The following PGLS variants were observed in gnomAD, a reference collection of about 807,000 sequenced individuals.
PGLS encodes 6-phosphogluconolactonase, also known as epididymis secretory protein Li 304.
In PGLS, 21 loss-of-function variants were observed where a neutral mutation model predicts 23.2. That is an observed-to-expected ratio of 0.91 (90% CI 0.64 to 1.31). The LOEUF is 1.31. Ranked by LOEUF, PGLS falls within the 50% of genes most tolerant of loss-of-function variation. The pLI, the probability that PGLS is intolerant of heterozygous loss-of-function variation, is 0.00. For missense variants in PGLS, 410 were observed against 354.0 expected (o/e 1.16, Z -1.27); for synonymous variants, 179 against 165.4 (o/e 1.08, Z -0.63).
chr19:17,517,395 C>G lies in PGLS; in HGVS notation c.498+6C>G. The G allele has an allele frequency of 6.2e-7, 1 of 1,600,350 alleles. No homozygotes were observed. Among genetic ancestry groups the G allele is most frequent in the South Asian group, 1.1e-5 (1 of 90,728 alleles). On this transcript the variant is annotated splice_donor_region_variant and intron_variant, in intron 3 of 4. Transcript: ENST00000252603. ...CAGACCACCCCCTCCTACAGGTGAG[C>G]ACACCAATGCGGGGTTCCACCCTAG...
At chr19:17,517,458 G>A in intron 3 of PGLS, 69 bp downstream of exon 3, 1 of 1,284,658 alleles carries the variant, frequency 7.8e-7, no homozygotes, top group East Asian at 2.3e-5. Flanking sequence ...ACTTCCAGAG[G>A]GAGAGCCACC....
rs559529400 is a variant in PGLS at position 17,519,690 on chromosome 19, G to A, written c.640-1254G>A. Among the ~76,000 whole-genome samples, 18 of 152,052 alleles carry A rather than the reference G, an allele frequency of 1.2e-4. No individual in the cohort carries two copies. The South Asian group carries it at 1.3e-3, about 11-fold the overall frequency. On this transcript the variant is annotated intron_variant, in intron 4 of 4. Transcript: ENST00000252603. ...GCTGGGATTACAGGCATGAACCACC[G>A]CACCCGGCCCAGAAAAGTTTTATTG...
chr19:17,511,896 T>C lies in PGLS; in HGVS notation c.224T>C (p.Leu75Pro). 1.3e-6 allele frequency: 2 copies of C among 1,543,564 alleles called. No individual in the cohort carries two copies. The highest frequency in any genetic ancestry group is 8.7e-7 in the Non-Finnish European group (1 of 1,145,706). The change falls in exon 1 of 5, where the codon CTG (leucine) becomes CCG (proline). Residue 75 changes from leucine (L) to proline (P), a missense_variant. By Grantham distance (98) the Leu-to-Pro change is moderately conservative. Transcript: ENST00000252603. ...CCAGCTAGCTTAGCGCGCTGGACGC[T>C]GGGCTTCTGCGACGAGCGCCTCGTG... ...AGPASLARWT[L>P]GFCDERLVPF...
At chr19:17,516,116 T>C in intron 1 of PGLS, 57 bp from the exon 2 acceptor site, 1 of 1,321,836 alleles carries the variant, frequency 7.6e-7, no homozygotes, top group Non-Finnish European at 1.1e-6. Context: ...ATAAACTCCC[T>C]GGAGGATCCA....
chr19:17,511,850 G>T lies in PGLS; in HGVS notation c.178G>T (p.Ala60Ser), dbSNP rs201638071. ...CTCGATGCTAGCCCGCGAGCTACCCGCCGCCGTCGCCCCTGCCGGGCCAGC... is the reference window on the plus strand; with the variant it reads ...CTCGATGCTAGCCCGCGAGCTACCCTCCGCCGTCGCCCCTGCCGGGCCAGC... ...LVSMLARELP[A>S]AVAPAGPASL... Residue 60 changes from alanine (A) to serine (S), a missense_variant, in exon 1 of 5, where the codon GCC becomes TCC. By Grantham distance (99) the Ala-to-Ser change is moderately conservative. Transcript: ENST00000252603. The T allele has an allele frequency of 6.5e-7, 1 of 1,530,382 alleles. No individual in the cohort carries two copies. 94.8% of individuals were successfully genotyped at this position (1,530,382 alleles called of 1,614,324 possible). A position where few individuals can be genotyped will look rare whatever the true frequency, so the allele number is the denominator to read the frequency against.
At chr19:17,519,461 G>A (rs879678595) in intron 4 of PGLS, among the ~76,000 whole-genome samples, 133 of 151,796 alleles carry the variant, frequency 8.8e-4, no homozygotes, top group African/African-American at 2.9e-3. Context: ...GTGCAGTGGC[G>A]CCATCTCAGC....
Position 17,517,344 on chromosome 19 carries a change from C to G in PGLS, c.453C>G (p.Pro151=). 1 of 1,614,008 alleles carries G rather than the reference C, an allele frequency of 6.2e-7. No homozygotes were observed. Among genetic ancestry groups the G allele is most frequent in the Non-Finnish European group, 8.5e-7 (1 of 1,179,942 alleles). Residue 151 remains proline, a synonymous_variant, in exon 3 of 5, where the codon CCC becomes CCG. Coordinates refer to ENST00000252603, the MANE Select transcript of PGLS (RefSeq NM_012088.3). ...VFDLLILGVG[P]DGHTCSLFPD... is the part of the protein sequence containing the mutation. ...ACCTGCTGATCCTGGGGGTGGGCCCCGATGGTCACACCTGCTCACTCTTCC... is the reference window on the plus strand; with the variant it reads ...ACCTGCTGATCCTGGGGGTGGGCCCGGATGGTCACACCTGCTCACTCTTCC...
chr19:17,520,884 G>A (rs1449176621), intron 4 of PGLS, 60 bp from the exon 5 acceptor site: 1 of 1,476,644 alleles, frequency 6.8e-7, no homozygotes, highest in Admixed American at 2.4e-5. Flanking sequence ...AGCCAGGAGA[G>A]TGCCGAGGGG....
At chr19:17,518,711 A>C (rs1037779924) in intron 4 of PGLS, 1 of 152,000 alleles carries the variant, frequency 6.6e-6, no homozygotes, top group Non-Finnish European at 1.5e-5. Flanking sequence ...TTGTATTTTT[A>C]GTAGAGAGGG....
At chr19:17,514,178 C>T (rs921833227) in intron 1 of PGLS, among the ~76,000 whole-genome samples, 1 of 152,208 alleles carries the variant, frequency 6.6e-6, no homozygotes, top group African/African-American at 2.4e-5. Flanking sequence ...TGGGGTCACG[C>T]CCCATCTGAA....
Position 17,511,658 on chromosome 19 carries a change from G to A in PGLS, c.-15G>A. 6.8e-7 allele frequency: 1 copy of A among 1,465,848 alleles called. No individual in the cohort carries two copies. Among genetic ancestry groups the A allele is most frequent in the South Asian group, 1.3e-5 (1 of 76,428 alleles). 90.8% of individuals were successfully genotyped at this position (1,465,848 alleles called of 1,614,324 possible). ...CCGTAGGGAGCGCTTCCTCCTCCCCGCCGCCGCCCTCGCCATGGCCGCGCC... is the reference window on the plus strand; with the variant it reads ...CCGTAGGGAGCGCTTCCTCCTCCCCACCGCCGCCCTCGCCATGGCCGCGCC... On this transcript the variant is annotated 5_prime_UTR_variant, in exon 1 of 5. Transcript: ENST00000252603.
In PGLS at chr19:17,516,262, CG is replaced by C. The variant is rs762269634; in HGVS notation, c.379del (p.Ala127ProfsTer4). 1 of 1,613,786 alleles carries C rather than the reference CG, an allele frequency of 6.2e-7. No individual in the cohort carries two copies. The highest frequency in any genetic ancestry group is 1.1e-5 in the South Asian group (1 of 91,052). On this transcript the variant is annotated frameshift_variant, in exon 2 of 5. Transcript: ENST00000252603. LOFTEE classifies it high-confidence loss of function. ...LPVEEAAEDY[A>X]KKLRQAFQGD... ...CTGTGGAGGAGGCGGCTGAGGACTA[CG>C]CCAAGAAGCTGAGACAGGTGAGCCC...
At chr19:17,517,197 T>G (rs2075537401) in intron 2 of PGLS, 91 bp from the exon 3 acceptor site, 2 of 819,436 alleles carry the variant, frequency 2.4e-6, no homozygotes, top group African/African-American at 3.4e-5. Context: ...CTACTTGTAT[T>G]TTTTTATCTG....
chr19:17,516,530 T>G, intron 2 of PGLS: 1 of 1,297,412 alleles, frequency 7.7e-7, no homozygotes, highest in Non-Finnish European at 9.9e-7. Context: ...GGCTATGGCT[T>G]TGATCACAGG....
intron 1 of PGLS, 102 bp from the exon 2 acceptor site, chr19:17,516,071 C>A (rs979028728): frequency 7.1e-6 from 6 of 844,098 alleles, no homozygotes; most frequent in Non-Finnish European, 1.2e-5. Context: ...GCCTCAGTCT[C>A]CCCATCTGTA....
chr19:17,515,310 G>A (rs1035797420), intron 1 of PGLS, among the ~76,000 whole-genome samples: 1 of 152,040 alleles, frequency 6.6e-6, no homozygotes, highest in South Asian at 2.1e-4. Flanking sequence ...CGTTTACTTC[G>A]TGGCTCACCT....
chr19:17,517,634 G>A (rs1387470350), intron 3 of PGLS, 76 bp from the exon 4 acceptor site: 7 of 1,512,702 alleles, frequency 4.6e-6, no homozygotes, highest in Non-Finnish European at 5.5e-6. Flanking sequence ...GCTGGACCAG[G>A]CCTGGTGTGT....
Position 17,516,233 on chromosome 19 carries a change from C to T in PGLS, c.349C>T (p.Leu117=). ...ESQVITINPE[L]PVEEAAEDYA... Reference sequence around the variant, plus strand: ...CCAGGTGATCACCATTAACCCCGAGCTGCCTGTGGAGGAGGCGGCTGAGGA... The same window carrying T: ...CCAGGTGATCACCATTAACCCCGAGTTGCCTGTGGAGGAGGCGGCTGAGGA... Residue 117 remains leucine, a synonymous_variant, in exon 2 of 5, where the codon CTG becomes TTG. Coordinates refer to ENST00000252603, the MANE Select transcript of PGLS (RefSeq NM_012088.3). The T allele has an allele frequency of 6.2e-7, 1 of 1,614,150 alleles. No homozygotes were observed. Among genetic ancestry groups the T allele is most frequent in the Non-Finnish European group, 8.5e-7 (1 of 1,179,990 alleles).
rs368187799 is a variant in PGLS at position 17,517,405 on chromosome 19, C to A, written c.498+16C>A. On this transcript the variant is annotated intron_variant, in intron 3 of 4. Coordinates refer to ENST00000252603, the MANE Select transcript of PGLS (RefSeq NM_012088.3). ...CCTCCTACAGGTGAGCACACCAATG[C>A]GGGGTTCCACCCTAGTCCTGAGCCC... is the stretch of plus-strand genomic sequence containing the variant. The A allele has an allele frequency of 1.3e-6, 2 of 1,577,402 alleles. No homozygotes were observed. Among genetic ancestry groups the A allele is most frequent in the Non-Finnish European group, 1.7e-6 (2 of 1,147,360 alleles).
Sources: allele counts gnomAD v4.1 joint callset (sites outside exome capture counted in the v4.1 genomes callset), GRCh38; gene constraint gnomAD v4.1.1; transcripts MANE v1.5; gene names NCBI Gene and HGNC (gene_info 2026-07-23, HGNC 2026-07-21).